CKAP5: variants seen among roughly 807,000 people sequenced by gnomAD.
The protein encoded by CKAP5 is cytoskeleton associated protein 5.
Under a neutral mutation model 232.8 loss-of-function variants are expected in CKAP5, and 27 were observed. The ratio of observed to expected loss-of-function variants is 0.12; its 90% CI spans 0.09 to 0.16. The LOEUF (loss-of-function observed/expected upper bound fraction) is 0.16, where lower values mean the gene tolerates loss of function less well. Among genes scored for constraint, CKAP5 ranks in the 10% least tolerant of loss-of-function variants. The probability of loss-of-function intolerance (pLI) is 1.00; values close to 1 mark genes in which losing one functional copy is unlikely to be tolerated. For missense variants in CKAP5, 1,838 were observed against 2,424.7 expected (o/e 0.76, Z 5.08); for synonymous variants, 785 against 841.1 (o/e 0.93, Z 1.16).
chr11:46,763,595 T>C lies in CKAP5; in HGVS notation c.3573A>G (p.Glu1191=). 1 of 1,590,464 alleles carries C rather than the reference T, an allele frequency of 6.3e-7. No individual in the cohort carries two copies. The highest frequency in any genetic ancestry group is 8.6e-7 in the Non-Finnish European group (1 of 1,168,492). ...LKWNFTTPRD[E]YIEQLKTQMS... is the part of the protein sequence containing the mutation. The stretch of plus-strand genomic sequence containing the variant: ...TTTGAGTCTTTAGTTGCTCAATGTA[T>C]TCATCCCGTGGGGTAGTAAAATTCC... The change falls in exon 29 of 44, where the codon GAA becomes GAG. Residue 1191 remains glutamate (E), a synonymous_variant. Transcript: ENST00000529230.
rs761161788 is a variant in CKAP5, at chr11:46,777,549, G to C, written c.2752C>G (p.Gln918Glu). 1.2e-6 allele frequency: 2 copies of C among 1,602,272 alleles called. No homozygotes were observed. Among genetic ancestry groups the C allele is most frequent in the Non-Finnish European group, 1.7e-6 (2 of 1,169,548 alleles). The stretch of plus-strand genomic sequence containing the variant: ...TGTTGCAGGATATTCAGCGTTTGCT[G>C]TACCTGAGTGGAAAGAGCCAATACT... ...RLNDSNKILVQQTLNILQQLA... is the reference protein window; with the variant it reads ...RLNDSNKILVEQTLNILQQLA... Residue 918 changes from glutamine to glutamate, a missense_variant, in exon 23 of 44, where the codon CAG becomes GAG. This residue lies in a region of CKAP5 where 767 missense variants were observed against 954.6 expected (regional missense o/e 0.80). Transcript: ENST00000529230.
intron 9 of CKAP5, among the ~76,000 whole-genome samples, chr11:46,800,821 T>C (rs950242914): frequency 2.6e-5 from 4 of 152,218 alleles, no homozygotes; most frequent in African/African-American, 7.2e-5. Flanking sequence ...TAGTTTTACA[T>C]TGCCTTTCCG....
At chr11:46,806,712 C>T (rs76243772) in intron 8 of CKAP5, among the ~76,000 whole-genome samples, 3,023 of 152,284 alleles carry the variant, frequency 0.02, 102 homozygotes, top group African/African-American at 0.069. Context: ...TCATCATTCA[C>T]GAATCCATAT....
At chr11:46,753,557 T>C (rs2065086399) in intron 36 of CKAP5, 60 bp from the exon 37 acceptor site, 18 of 1,215,598 alleles carry the variant, frequency 1.5e-5, no homozygotes, top group Middle Eastern at 4.7e-4. Context: ...TAAAGAAATG[T>C]GGGTGGCATA....
rs957130698 is a variant in CKAP5, at chr11:46,754,786, G to C, written c.4869+102C>G. ...TACAATGCATGTAAAATTCTACCAAGTGACACAGGACTCACTGCAACATCT... is the reference window on the plus strand; with the variant it reads ...TACAATGCATGTAAAATTCTACCAACTGACACAGGACTCACTGCAACATCT... On this transcript the variant is annotated intron_variant, in intron 36 of 43. Transcript: ENST00000529230. The C allele has an allele frequency of 5.3e-6, 5 of 947,108 alleles. No individual in the cohort carries two copies. In the Admixed American group the frequency reaches 9.8e-5, roughly 19 times the overall value. The allele number at this position is 947,108 out of a possible 1,614,324, so 58.7% of individuals were successfully genotyped here.
Position 46,809,408 on chromosome 11 carries a change from C to T in CKAP5, c.856G>A (p.Asp286Asn). 1 of 1,589,610 alleles carries T rather than the reference C, an allele frequency of 6.3e-7. No individual in the cohort carries two copies. Among genetic ancestry groups the T allele is most frequent in the Non-Finnish European group, 8.6e-7 (1 of 1,162,320 alleles). The change falls in exon 7 of 44, where the codon GAC (aspartate) becomes AAC (asparagine). Residue 286 changes from aspartate (D) to asparagine (N), a missense_variant. Physicochemically the swap from Asp to Asn is conservative, Grantham distance 23 (BLOSUM62 1). Around this residue, in one of 6 missense-constraint regions of CKAP5, gnomAD observed 97 missense variants for 167.7 expected, o/e 0.58. Coordinates refer to ENST00000529230, the MANE Select transcript of CKAP5 (RefSeq NM_001008938.4). The stretch of plus-strand genomic sequence containing the variant: ...GTTTAACTATTACTTACAATTTTGT[C>T]ATAAAAGTCTTTGGGAAGTTTGGAA... ...ILSKLPKDFY[D>N]KIEAKKWQER... is the part of the protein sequence containing the mutation.
chr11:46,842,891 T>C (rs1011181051), intron 1 of CKAP5, among the ~76,000 whole-genome samples: 1 of 132,648 alleles, frequency 7.5e-6, no homozygotes, highest in Non-Finnish European at 1.5e-5. Context: ...GGCGTGAACC[T>C]GGGAGGCGGA....
At chr11:46,751,652 G>T in intron 38 of CKAP5, 118 bp from the exon 39 acceptor site, 2 of 815,370 alleles carry the variant, frequency 2.5e-6, no homozygotes, top group Non-Finnish European at 3.8e-6. Context: ...TATAAATGTG[G>T]CACATCATAT....
chr11:46,831,286 T>C (rs1199199967), intron 1 of CKAP5, among the ~76,000 whole-genome samples: 1 of 152,160 alleles, frequency 6.6e-6, no homozygotes, highest in Non-Finnish European at 1.5e-5. Flanking sequence ...GCTTAGATGA[T>C]AAATAATGCT....
chr11:46,823,270 T>TAGC, intron 1 of CKAP5, among the ~76,000 whole-genome samples: 1 of 152,150 alleles, frequency 6.6e-6, no homozygotes, highest in South Asian at 2.1e-4. Flanking sequence ...CAACACCTTT[T>TAGC]TCTTATAAAA....
intron 1 of CKAP5, among the ~76,000 whole-genome samples, chr11:46,830,917 T>C (rs180989953): frequency 0.022 from 3,381 of 151,938 alleles, 120 homozygotes; most frequent in African/African-American, 0.077. Flanking sequence ...ACAAAAAAAT[T>C]AGCCGGGCAT....
In CKAP5 at chr11:46,763,609, T is replaced by C; in HGVS notation, c.3559A>G (p.Thr1187Ala). 2 of 1,560,384 alleles carry C rather than the reference T, an allele frequency of 1.3e-6. No individual in the cohort carries two copies. The highest frequency in any genetic ancestry group is 1.7e-6 in the Non-Finnish European group (2 of 1,154,522). The change falls in exon 29 of 44, where the codon ACC becomes GCC. Residue 1187 changes from threonine (T) to alanine (A), a missense_variant. Physicochemically the swap from Thr to Ala is moderately conservative, Grantham distance 58. Transcript: ENST00000529230. ...TGCTCAATGTATTCATCCCGTGGGG[T>C]AGTAAAATTCCACTTTAGCACCTGG... ...GLKVLKWNFTTPRDEYIEQLK... is the reference protein window; with the variant it reads ...GLKVLKWNFTAPRDEYIEQLK...
intron 12 of CKAP5, 60 bp from the exon 13 acceptor site, chr11:46,795,836 T>C: frequency 7.2e-7 from 1 of 1,387,316 alleles, no homozygotes; most frequent in Admixed American, 1.8e-5. Context: ...AACCACTACG[T>C]TATTACATTT....
chr11:46,841,808 G>T (rs938492209), intron 1 of CKAP5, among the ~76,000 whole-genome samples: 3 of 152,084 alleles, frequency 2.0e-5, no homozygotes, highest in Non-Finnish European at 4.4e-5. Context: ...AGACCATCTG[G>T]CTAACAGTGA....
chr11:46,772,022 A>C (rs1392777068), intron 24 of CKAP5, among the ~76,000 whole-genome samples: 5 of 133,476 alleles, frequency 3.7e-5, no homozygotes, highest in Non-Finnish European at 7.9e-5. Flanking sequence ...GTTGCTAATA[A>C]CACTGAGCAT....
At chr11:46,782,912 A>G (rs911792011) in intron 18 of CKAP5, among the ~76,000 whole-genome samples, 1 of 152,232 alleles carries the variant, frequency 6.6e-6, no homozygotes, top group Non-Finnish European at 1.5e-5. Flanking sequence ...AAGCTCTTCT[A>G]TTGCAGGATT....
At chr11:46,842,931 C>A (rs1027503405) in intron 1 of CKAP5, among the ~76,000 whole-genome samples, 2 of 137,324 alleles carry the variant, frequency 1.5e-5, no homozygotes, top group African/African-American at 5.7e-5. Context: ...CGCGCCACCG[C>A]ACTCCAGCCT....
Position 46,777,462 on chromosome 11 carries a change from T to C in CKAP5, c.2839A>G (p.Ile947Val). ...ACCTTGCTGTCTCCAAGGACTGTGA[T>C]GATAGGGATGCCTAAATTTTTTACA... ...QHVKNLGIPI[I>V]TVLGDSKNNV... is the part of the protein sequence containing the mutation. The change falls in exon 23 of 44, where the codon ATC becomes GTC. Residue 947 changes from isoleucine (I) to valine (V), a missense_variant. By Grantham distance (29) the Ile-to-Val change is conservative. Coordinates refer to ENST00000529230, the MANE Select transcript of CKAP5 (RefSeq NM_001008938.4). The C allele has an allele frequency of 6.2e-7, 1 of 1,611,634 alleles. No individual in the cohort carries two copies. Among genetic ancestry groups the C allele is most frequent in the African/African-American group, 1.3e-5 (1 of 74,992 alleles).
At chr11:46,810,249 G>A (rs1185495320) in intron 5 of CKAP5, among the ~76,000 whole-genome samples, 6 of 152,126 alleles carry the variant, frequency 3.9e-5, no homozygotes, top group Non-Finnish European at 7.4e-5. Context: ...TGGGATGACA[G>A]GTATAAGCCA....
Sources: allele counts gnomAD v4.1 joint callset (sites outside exome capture counted in the v4.1 genomes callset), GRCh38; gene constraint gnomAD v4.1.1; regional missense constraint gnomAD v4.1.1; transcripts MANE v1.5; gene names NCBI Gene and HGNC (gene_info 2026-07-23, HGNC 2026-07-21).